The following ABLIM1 variants were observed in gnomAD, a reference collection of about 807,000 sequenced individuals.
ABLIM1 encodes actin binding LIM protein 1.
In ABLIM1, 40 loss-of-function variants were observed where a neutral mutation model predicts 107.0. The observed-to-expected ratio is 0.37, with a 90% confidence interval of 0.29 to 0.49. The LOEUF is 0.49. Ranked by LOEUF, ABLIM1 falls within the 20% of genes least tolerant of loss-of-function variation. The pLI is 0.97. For synonymous variants in ABLIM1, 357 were observed against 357.3 expected, an observed-to-expected ratio of 1.00 and a Z score of 0.01; for missense variants, 857 against 1,008.5, an observed-to-expected ratio of 0.85 and a Z score of 2.04.
the ABLIM1 span, among the ~76,000 whole-genome samples, chr10:114,798,439 A>G: frequency 1.3e-5 from 2 of 150,466 alleles, no homozygotes; most frequent in Non-Finnish European, 3.0e-5. Context: ...AAAAAACAAC[A>G]TGGTAGTACA....
intron 1 of ABLIM1, among the ~76,000 whole-genome samples, chr10:114,672,013 C>A (rs1031646455): frequency 1.3e-5 from 2 of 152,020 alleles, no homozygotes; most frequent in Admixed American, 1.3e-4. Flanking sequence ...CAGATGAGTG[C>A]CACCACACCC....
chr10:114,572,142 C>T (rs191037671), intron 3 of ABLIM1, among the ~76,000 whole-genome samples: 1 of 152,334 alleles, frequency 6.6e-6, no homozygotes, highest in East Asian at 1.9e-4. Context: ...TTAAACAAGT[C>T]ATTAATGAAC....
In ABLIM1 at chr10:114,634,129, C is replaced by CTTTTTTTTTTTTTT. The variant is rs745875295; in HGVS notation, c.244+23814_244+23827dup. On this transcript the variant is annotated intron_variant, in intron 1 of 22. Transcript: ENST00000533213. ...CGTAAATGCCATTAGCTCAATTTTT[C>CTTTTTTTTTTTTTT]TTTTTTTTTTTTTTTTTTTTTGAGA... is the stretch of plus-strand genomic sequence containing the variant. 3.4e-3 allele frequency among the ~76,000 whole-genome samples: 229 copies of CTTTTTTTTTTTTTT among 68,282 alleles called. 52 individuals are homozygous for CTTTTTTTTTTTTTT. The highest frequency in any genetic ancestry group is 0.02 in the East Asian group (35 of 1,756). 44.8% of individuals were successfully genotyped at this position (68,282 alleles called of 152,430 possible).
At chr10:114,630,670 T>A (rs1253262089) in intron 1 of ABLIM1, among the ~76,000 whole-genome samples, 1 of 152,190 alleles carries the variant, frequency 6.6e-6, no homozygotes, top group Non-Finnish European at 1.5e-5. Context: ...AGCATTTTCA[T>A]CTTAAATCTA....
the ABLIM1 span, among the ~76,000 whole-genome samples, chr10:114,799,589 C>A: frequency 1.3e-5 from 2 of 152,164 alleles, no homozygotes; most frequent in Non-Finnish European, 2.9e-5. Context: ...CATTCATATC[C>A]AATTTTTCAG....
chr10:114,559,526 C>T (rs1450001024), intron 4 of ABLIM1, among the ~76,000 whole-genome samples: 1 of 150,138 alleles, frequency 6.7e-6, no homozygotes, highest in Admixed American at 6.6e-5. Context: ...GTGAAAAGTT[C>T]TGGCCATGGC....
chr10:114,514,298 CAA>C (rs56189382), intron 6 of ABLIM1, among the ~76,000 whole-genome samples: 121 of 119,958 alleles, frequency 1.0e-3, no homozygotes, highest in Admixed American at 1.6e-3. Context: ...GACTCTGTCT[CAA>C]AAAAAAAAAA....
intron 6 of ABLIM1, among the ~76,000 whole-genome samples, chr10:114,505,144 G>A (rs980959192): frequency 1.3e-5 from 2 of 152,188 alleles, no homozygotes; most frequent in Non-Finnish European, 1.5e-5. Context: ...TATTAGCATA[G>A]TTCCAGGGAA....
chr10:114,768,021 G>T (rs772477907), intron 1 of ABLIM1: 2 of 427,422 alleles, frequency 4.7e-6, no homozygotes, highest in South Asian at 3.2e-5. Context: ...TGTTCGGCCC[G>T]CCGGGGTCAG....
At chr10:114,637,992 C>G (rs1566155330) in intron 1 of ABLIM1, among the ~76,000 whole-genome samples, 1 of 152,160 alleles carries the variant, frequency 6.6e-6, no homozygotes, top group African/African-American at 2.4e-5. Flanking sequence ...ACAACACTCC[C>G]CTCTTTCTGG....
Position 114,632,218 on chromosome 10 carries a change from C to T in ABLIM1, c.244+25739G>A, listed in dbSNP as rs549840994. 48 of 985,408 alleles carry T rather than the reference C, an allele frequency of 4.9e-5. No individual in the cohort carries two copies. In the African/African-American group the frequency reaches 7.3e-4, roughly 15 times the overall value. The allele number at this position is 985,408 out of a possible 1,614,324, so 61.0% of individuals were successfully genotyped here. A position where few individuals can be genotyped will look rare whatever the true frequency, so the allele number is the denominator to read the frequency against. On this transcript the variant is annotated intron_variant, in intron 1 of 22. Coordinates refer to ENST00000533213, the MANE Select transcript of ABLIM1 (RefSeq NM_002313.7). ...CCACTCGCTACAGCTGCTGCTGTAA[C>T]AAATGCAAAATTCTACTGTCCTAAT...
At chr10:114,472,678 C>T (rs1464729325) in intron 10 of ABLIM1, among the ~76,000 whole-genome samples, 1 of 152,112 alleles carries the variant, frequency 6.6e-6, no homozygotes, top group Non-Finnish European at 1.5e-5. Context: ...GACCCTCACT[C>T]CCTTATTTGC....
At chr10:114,446,514 T>C (rs1407255754) in intron 15 of ABLIM1, among the ~76,000 whole-genome samples, 1 of 152,226 alleles carries the variant, frequency 6.6e-6, no homozygotes, top group Non-Finnish European at 1.5e-5. Context: ...AATCTGGCTG[T>C]GGGAGGAAAC....
intron 1 of ABLIM1, among the ~76,000 whole-genome samples, chr10:114,618,281 CT>C (rs1320715955): frequency 6.6e-6 from 1 of 152,164 alleles, no homozygotes; most frequent in African/African-American, 2.4e-5. Context: ...GGTTTTTGTT[CT>C]CTTAGATTTA....
chr10:114,456,820 C>G lies in ABLIM1; in HGVS notation c.1442-3337G>C, dbSNP rs146554375. ...AAGCCTCTCAAAGGTTATGGAGTAGCTGTCTGAATTCCCAAGGACTGGATT... is the reference window on the plus strand; with the variant it reads ...AAGCCTCTCAAAGGTTATGGAGTAGGTGTCTGAATTCCCAAGGACTGGATT... On this transcript the variant is annotated intron_variant, in intron 12 of 22. Coordinates refer to ENST00000533213, the MANE Select transcript of ABLIM1 (RefSeq NM_002313.7). Among the ~76,000 whole-genome samples the G allele has an allele frequency of 3.9e-3, 590 of 152,148 alleles. 2 individuals are homozygous for G. Among genetic ancestry groups the G allele is most frequent in the African/African-American group, 0.014 (564 of 41,504 alleles).
intron 1 of ABLIM1, among the ~76,000 whole-genome samples, chr10:114,667,452 A>G (rs913926836): frequency 6.6e-6 from 1 of 152,144 alleles, no homozygotes; most frequent in African/African-American, 2.4e-5. Flanking sequence ...CTCTTTAACC[A>G]CTAGTAGGAT....
chr10:114,754,949 T>C (rs2082596787), intron 1 of ABLIM1, among the ~76,000 whole-genome samples: 1 of 151,794 alleles, frequency 6.6e-6, no homozygotes. Flanking sequence ...CATTCCTGAG[T>C]GGTGACAGCA....
chr10:114,704,302 C>CTCTCTCTATATATATATA (rs1380460034), intron 1 of ABLIM1, among the ~76,000 whole-genome samples: 2 of 43,090 alleles, frequency 4.6e-5, no homozygotes. Context: ...CTCTCTCTCT[C>CTCTCTCTATATATATATA]TATATATATA....
At chr10:114,664,630 G>C (rs2079940123) in intron 1 of ABLIM1, among the ~76,000 whole-genome samples, 1 of 151,470 alleles carries the variant, frequency 6.6e-6, no homozygotes, top group African/African-American at 2.4e-5. Context: ...TGCAACCTCT[G>C]CCTCCTGGGT....
Sources: allele counts gnomAD v4.1 joint callset (sites outside exome capture counted in the v4.1 genomes callset), GRCh38; gene constraint gnomAD v4.1.1; transcripts MANE v1.5; gene names NCBI Gene and HGNC (gene_info 2026-07-23, HGNC 2026-07-21).